Variants in UBN2 observed in about 807,000 individuals in gnomAD.
UBN2 encodes the protein ubinuclein 2, also known as ubinuclein-2.
In UBN2, 35 loss-of-function variants were observed where a neutral mutation model predicts 120.2. The observed-to-expected ratio is 0.29, with a 90% CI of 0.22 to 0.39. UBN2 has a LOEUF of 0.39. UBN2 is among the 10% of genes least tolerant of loss of function. The probability of loss-of-function intolerance (pLI) is 1.00; values close to 1 mark genes in which losing one functional copy is unlikely to be tolerated. For missense variants in UBN2, 1,693 were observed against 1,663.2 expected (o/e 1.02, Z -0.31); for synonymous variants, 661 against 648.7 (o/e 1.02, Z -0.29).
chr7:139,249,406 CT>C (rs1160402508), intron 2 of UBN2, among the ~76,000 whole-genome samples: 12 of 152,160 alleles, frequency 7.9e-5, no homozygotes, highest in Admixed American at 7.2e-4. Flanking sequence ...TTGGAGATGT[CT>C]TTCGTAAGTC....
chr7:139,312,450 G>A (rs1798461078), downstream of UBN2, among the ~76,000 whole-genome samples: 1 of 152,160 alleles, frequency 6.6e-6, no homozygotes, highest in South Asian at 2.1e-4. Flanking sequence ...GGGTAACTAG[G>A]TTATCTTCAA....
At chr7:139,330,239 C>T in the UBN2 span, among the ~76,000 whole-genome samples, 1 of 152,238 alleles carries the variant, frequency 6.6e-6, no homozygotes, top group African/African-American at 2.4e-5. Context: ...TCTATAGAGG[C>T]CAAAAACCAA....
chr7:139,231,996 A>G (rs369765808), intron 1 of UBN2, 44 bp downstream of exon 1: 4 of 1,552,790 alleles, frequency 2.6e-6, no homozygotes, highest in Admixed American at 3.5e-5. Flanking sequence ...CGGGAGCCTC[A>G]GGACCCGCCG....
At chr7:139,270,371 C>T (rs1797235971) in intron 8 of UBN2, among the ~76,000 whole-genome samples, 2 of 150,658 alleles carry the variant, frequency 1.3e-5, no homozygotes, top group South Asian at 2.1e-4. Context: ...CAGGTTCAAG[C>T]AATTCTCCTG....
chr7:139,286,731 G>A lies in UBN2; in HGVS notation c.3669+2157G>A, dbSNP rs531177099. Among the ~76,000 whole-genome samples, 3 of 152,188 alleles carry A rather than the reference G, an allele frequency of 2.0e-5. No homozygotes were observed. In the East Asian group the frequency reaches 5.8e-4, roughly 29 times the overall value. On this transcript the variant is annotated intron_variant, in intron 15 of 17. Transcript: ENST00000473989. The stretch of plus-strand genomic sequence containing the variant: ...ATAACTTTTATTTATTTATGGAATT[G>A]TGTTGTCTAAGGAAGTGCTCTTTGT...
rs987736988 is a variant in UBN2 at position 139,301,627 on chromosome 7, G to A, written c.*3791G>A. The A allele has an allele frequency of 3.3e-5, 5 of 151,994 alleles. No homozygotes were observed. The highest frequency in any genetic ancestry group is 4.8e-5 in the African/African-American group (2 of 41,378). 9.4% of individuals were successfully genotyped at this position (151,994 alleles called of 1,614,324 possible). On this transcript the variant is annotated 3_prime_UTR_variant, in exon 18 of 18. Coordinates refer to ENST00000473989, the MANE Select transcript of UBN2 (RefSeq NM_173569.4). ...GGATACTTTATTTTAGGAGTGTACC[G>A]TAAAAGCACACTGGTCCCTTTGTTG...
At chr7:139,292,315 C>T (rs939316303) in intron 15 of UBN2, among the ~76,000 whole-genome samples, 1 of 152,124 alleles carries the variant, frequency 6.6e-6, no homozygotes, top group Non-Finnish European at 1.5e-5. Context: ...TGTGAAAGCC[C>T]ATCCATGTTG....
intron 16 of UBN2, 97 bp downstream of exon 16, chr7:139,293,560 A>C: frequency 1.0e-6 from 1 of 979,862 alleles, no homozygotes; most frequent in East Asian, 2.6e-5. Context: ...GTTGGAGTTA[A>C]TGAAGATTAT....
intron 15 of UBN2, 51 bp downstream of exon 15, chr7:139,284,625 C>T (rs763042468): frequency 1.2e-5 from 18 of 1,485,324 alleles, no homozygotes; most frequent in South Asian, 2.6e-5. Flanking sequence ...TGTATAATGT[C>T]GTCTTTCTTG....
chr7:139,293,550 G>A, intron 16 of UBN2, 87 bp downstream of exon 16: 1 of 1,023,314 alleles, frequency 9.8e-7, no homozygotes, highest in Non-Finnish European at 1.5e-6. Context: ...GAGTAGTCCA[G>A]TTGGAGTTAA....
rs1798242281 is a variant in UBN2, at chr7:139,300,990, A to G, written c.*3154A>G. ...TCGTGATTTTAAAACAGCCTGAAGA[A>G]AAAGGTTTTGGGAAAGGAAATGAGG... On this transcript the variant is annotated 3_prime_UTR_variant, in exon 18 of 18. Transcript: ENST00000473989. 6.6e-6 allele frequency: 1 copy of G among 152,348 alleles called. No homozygotes were observed. The highest frequency in any genetic ancestry group is 1.5e-5 in the Non-Finnish European group (1 of 68,030). The allele number at this position is 152,348 out of a possible 1,614,324, so 9.4% of individuals were successfully genotyped here.
intron 15 of UBN2, among the ~76,000 whole-genome samples, chr7:139,291,900 G>GA (rs1797969537): frequency 6.6e-6 from 1 of 151,706 alleles, no homozygotes; most frequent in South Asian, 2.1e-4. Context: ...AGTCAAAATG[G>GA]AAAAAAATGA....
chr7:139,276,049 C>T (rs534101586), intron 11 of UBN2, 48 bp from the exon 12 acceptor site: 2 of 1,423,010 alleles, frequency 1.4e-6, no homozygotes, highest in East Asian at 2.3e-5. Context: ...AATTATGTTA[C>T]TATCTGCTAT....
At position 139,304,706 on chromosome 7, in the gene UBN2, G is replaced by GGTGTGTGTGTGTGGGTGTGT. The variant is rs1554480231; in HGVS notation, c.*6883_*6884insGGTGTGTGTGTGTGTGTGTG. On this transcript the variant is annotated 3_prime_UTR_variant, in exon 18 of 18. Coordinates refer to ENST00000473989, the MANE Select transcript of UBN2 (RefSeq NM_173569.4). ...AGGTCCACTGAATCTCTAATGATAG[G>GGTGTGTGTGTGTGGGTGTGT]GTGTGTGTGTGTGTGTGTGTGTGTG... 9 of 140,390 alleles carry GGTGTGTGTGTGTGGGTGTGT rather than the reference G, an allele frequency of 6.4e-5. No homozygotes were observed. The highest frequency in any genetic ancestry group is 2.4e-4 in the African/African-American group (9 of 38,034). The allele number at this position is 140,390 out of a possible 1,614,324, so 8.7% of individuals were successfully genotyped here.
the UBN2 span, among the ~76,000 whole-genome samples, chr7:139,320,031 G>A: frequency 6.6e-5 from 10 of 150,552 alleles, no homozygotes; most frequent in East Asian, 8.0e-4. Context: ...AGCCGAGATC[G>A]TGCCACTGCA....
chr7:139,279,814 G>A (rs1191269304), intron 13 of UBN2, among the ~76,000 whole-genome samples: 1 of 152,124 alleles, frequency 6.6e-6, no homozygotes, highest in Non-Finnish European at 1.5e-5. Flanking sequence ...TCTTGGGCTT[G>A]TACAGGTTAA....
At chr7:139,322,255 T>C in the UBN2 span, among the ~76,000 whole-genome samples, 3 of 152,180 alleles carry the variant, frequency 2.0e-5, no homozygotes, top group African/African-American at 7.2e-5. Flanking sequence ...ATTACAGGCA[T>C]GAGCCACCAT....
intron 13 of UBN2, among the ~76,000 whole-genome samples, 186 bp from the exon 14 acceptor site, chr7:139,281,819 A>T (rs968371137): frequency 6.6e-6 from 1 of 152,236 alleles, no homozygotes; most frequent in Admixed American, 6.5e-5. Context: ...ATATCAAAAC[A>T]AATGTGTTTC....
At chr7:139,246,003 C>T (rs1394216173) in intron 2 of UBN2, among the ~76,000 whole-genome samples, 1 of 152,150 alleles carries the variant, frequency 6.6e-6, no homozygotes, top group Non-Finnish European at 1.5e-5. Context: ...GCTTTTGAAG[C>T]ATTTTGAGCA....
Sources: allele counts gnomAD v4.1 joint callset (sites outside exome capture counted in the v4.1 genomes callset), GRCh38; gene constraint gnomAD v4.1.1; transcripts MANE v1.5; gene names NCBI Gene and HGNC (gene_info 2026-07-23, HGNC 2026-07-21).